ALCAM: variants seen among roughly 807,000 people sequenced by gnomAD.
The protein encoded by ALCAM is CD166 antigen.
In ALCAM, 30 loss-of-function variants were observed where a neutral mutation model predicts 70.9. The ratio of observed to expected loss-of-function variants is 0.42; its 90% CI spans 0.32 to 0.57. The LOEUF (loss-of-function observed/expected upper bound fraction) is 0.57. Among genes scored for constraint, ALCAM ranks in the 20% least tolerant of loss-of-function variants. ALCAM has a pLI of 0.11. For synonymous variants in ALCAM, 249 were observed against 242.5 expected, an observed-to-expected ratio of 1.03 and a Z score of -0.25; for missense variants, 591 against 695.1, an observed-to-expected ratio of 0.85 and a Z score of 1.68.
chr3:105,393,902 T>C (rs929667548), intron 1 of ALCAM, among the ~76,000 whole-genome samples: 50 of 152,032 alleles, frequency 3.3e-4, no homozygotes, highest in Non-Finnish European at 6.5e-4. Context: ...GTTTTCCACA[T>C]GATTTGGAAT....
chr3:105,482,017 C>A (rs1420064994), intron 1 of ALCAM, among the ~76,000 whole-genome samples: 1 of 151,356 alleles, frequency 6.6e-6, no homozygotes, highest in African/African-American at 2.4e-5. Flanking sequence ...GACTAATTAA[C>A]CCTAAAAAGA....
intron 11 of ALCAM, among the ~76,000 whole-genome samples, chr3:105,549,774 A>G (rs567771549): frequency 5.7e-4 from 86 of 151,632 alleles, no homozygotes; most frequent in African/African-American, 2.0e-3. Context: ...AATTAAATTC[A>G]TATATTTATT....
rs570632613 is a variant in ALCAM, at chr3:105,401,485, C to T, written c.73+34004C>T. ...TTTCCACTAAGCTCATGGTTGCTCT[C>T]AGTGCGGTTGTTTATTCATTCATTC... On this transcript the variant is annotated intron_variant, in intron 1 of 15. Transcript: ENST00000306107. Among the ~76,000 whole-genome samples, 27 of 152,306 alleles carry T rather than the reference C, an allele frequency of 1.8e-4. No homozygotes were observed. The South Asian group carries it at 5.0e-3, about 28-fold the overall frequency.
At chr3:105,397,631 C>T (rs1449451049) in intron 1 of ALCAM, among the ~76,000 whole-genome samples, 4 of 151,800 alleles carry the variant, frequency 2.6e-5, no homozygotes, top group South Asian at 2.1e-4. Flanking sequence ...TCAATAACAA[C>T]GAAACACAAC....
At chr3:105,556,239 G>A (rs1042729404) in intron 14 of ALCAM, among the ~76,000 whole-genome samples, 5 of 152,008 alleles carry the variant, frequency 3.3e-5, no homozygotes, top group Non-Finnish European at 5.9e-5. Flanking sequence ...GCAGAGTGAT[G>A]TAGCCACAAA....
At chr3:105,563,669 T>G (rs1367918433) in intron 14 of ALCAM, among the ~76,000 whole-genome samples, 1 of 5,426 alleles carries the variant, frequency 1.8e-4, no homozygotes, top group Non-Finnish European at 6.2e-4. Context: ...AAGCATTTCT[T>G]TTTTTTTTTT....
chr3:105,465,731 T>C (rs1387375209), intron 1 of ALCAM, among the ~76,000 whole-genome samples: 1 of 151,482 alleles, frequency 6.6e-6, no homozygotes, highest in Non-Finnish European at 1.5e-5. Context: ...CCTACTGGTA[T>C]TGTAGATAAA....
chr3:105,542,549 A>G (rs767564861), intron 8 of ALCAM, among the ~76,000 whole-genome samples: 1 of 151,842 alleles, frequency 6.6e-6, no homozygotes, highest in African/African-American at 2.4e-5. Context: ...TTAGAGGTAT[A>G]GTACAAACTT....
At chr3:105,383,491 T>G (rs539710594) in intron 1 of ALCAM, among the ~76,000 whole-genome samples, 3 of 151,824 alleles carry the variant, frequency 2.0e-5, no homozygotes, top group Non-Finnish European at 4.4e-5. Context: ...ATGAAGCCTA[T>G]TTTAAACAAC....
chr3:105,468,450 C>T (rs1176666584), intron 1 of ALCAM, among the ~76,000 whole-genome samples: 1 of 151,152 alleles, frequency 6.6e-6, no homozygotes, highest in Non-Finnish European at 1.5e-5. Flanking sequence ...TATTTATAGT[C>T]TTGACTAGCA....
chr3:105,429,195 G>T (rs1339486461), intron 1 of ALCAM, among the ~76,000 whole-genome samples: 1 of 151,718 alleles, frequency 6.6e-6, no homozygotes, highest in East Asian at 1.9e-4. Context: ...TCCTTCTTTT[G>T]GTTGCCACAT....
intron 13 of ALCAM, 106 bp from the exon 14 acceptor site, chr3:105,552,362 C>A: frequency 7.6e-7 from 1 of 1,314,852 alleles, no homozygotes; most frequent in Middle Eastern, 1.9e-4. Context: ...ATGTTAATTA[C>A]TGTAGTGAGC....
intron 1 of ALCAM, among the ~76,000 whole-genome samples, chr3:105,407,377 T>A (rs565818922): frequency 1.3e-5 from 2 of 151,942 alleles, no homozygotes; most frequent in South Asian, 4.2e-4. Flanking sequence ...CCACCAAGAT[T>A]AAGTGGGTTT....
chr3:105,389,430 C>G (rs1399218698), intron 1 of ALCAM, among the ~76,000 whole-genome samples: 1 of 112,376 alleles, frequency 8.9e-6, no homozygotes, highest in Non-Finnish European at 1.7e-5. Flanking sequence ...TAATAATGGG[C>G]TTCTCTGAAA....
At chr3:105,504,952 T>G (rs1461646677) in intron 1 of ALCAM, among the ~76,000 whole-genome samples, 1 of 152,230 alleles carries the variant, frequency 6.6e-6, no homozygotes, top group Admixed American at 6.5e-5. Flanking sequence ...ACTATCATTG[T>G]CCTCAATTTT....
In ALCAM at chr3:105,368,460, AT is replaced by A. The variant is rs201438699; in HGVS notation, c.73+988del. ...CTCCCCTAAACTGAAAATTTAGGGGATTTTTTTTTCTTTGAAGTTTTTTTTT... is the reference window on the plus strand; with the variant it reads ...CTCCCCTAAACTGAAAATTTAGGGGATTTTTTTTCTTTGAAGTTTTTTTTT... On this transcript the variant is annotated intron_variant, in intron 1 of 15. Transcript: ENST00000306107. 1.4e-4 allele frequency among the ~76,000 whole-genome samples: 21 copies of A among 149,836 alleles called. No individual in the cohort carries two copies. The East Asian group carries it at 1.8e-3, about 13-fold the overall frequency.
At chr3:105,496,218 C>G (rs1938731548) in intron 1 of ALCAM, among the ~76,000 whole-genome samples, 1 of 152,070 alleles carries the variant, frequency 6.6e-6, no homozygotes, top group Non-Finnish European at 1.5e-5. Flanking sequence ...CTTACATTTT[C>G]AAATTAGGCG....
chr3:105,562,677 CTCT>C (rs1004859242), intron 14 of ALCAM, among the ~76,000 whole-genome samples: 4 of 152,116 alleles, frequency 2.6e-5, no homozygotes, highest in African/African-American at 9.7e-5. Flanking sequence ...GGGCCCCATC[CTCT>C]TCTTTTTCCA....
chr3:105,511,847 A>G (rs1400471758), intron 1 of ALCAM, among the ~76,000 whole-genome samples: 1 of 151,578 alleles, frequency 6.6e-6, no homozygotes, highest in Non-Finnish European at 1.5e-5. Context: ...TAGATCACTC[A>G]ACCAATTCAG....
Sources: allele counts gnomAD v4.1 joint callset (sites outside exome capture counted in the v4.1 genomes callset), GRCh38; gene constraint gnomAD v4.1.1; transcripts MANE v1.5; gene names NCBI Gene and HGNC (gene_info 2026-07-23, HGNC 2026-07-21).